The following PCDHGA5 variants were observed in gnomAD, a reference collection of about 807,000 sequenced individuals.
PCDHGA5 encodes the protein protocadherin gamma-A5.
A neutral mutation model predicts 56.7 loss-of-function variants in PCDHGA5; 36 were observed. The ratio of observed to expected loss-of-function variants is 0.64; its 90% CI spans 0.49 to 0.84. The LOEUF (loss-of-function observed/expected upper bound fraction) is 0.84. Among genes scored for constraint, PCDHGA5 ranks in the 40% least tolerant of loss-of-function variants. The pLI is 0.00. For missense variants in PCDHGA5, 1,305 were observed against 1,201.5 expected, an observed-to-expected ratio of 1.09 and a Z score of -1.27; for synonymous variants, 563 against 520.2, an observed-to-expected ratio of 1.08 and a Z score of -1.12.
At chr5:141,404,234 G>C (rs2094500908) in intron 1 of PCDHGA5, 1 of 1,613,652 alleles carries the variant, frequency 6.2e-7, no homozygotes, top group South Asian at 1.1e-5. Flanking sequence ...AACAGACAGA[G>C]GAACTCCGCC....
intron 1 of PCDHGA5, chr5:141,371,951 C>A: frequency 6.2e-7 from 1 of 1,613,306 alleles, no homozygotes; most frequent in Non-Finnish European, 8.5e-7. Flanking sequence ...CGCAGCGAGC[C>A]TTCGACCACG....
intron 1 of PCDHGA5, among the ~76,000 whole-genome samples, chr5:141,447,677 A>G (rs748479750): frequency 6.6e-6 from 1 of 152,184 alleles, no homozygotes; most frequent in Non-Finnish European, 1.5e-5. Context: ...GAACTGTTCC[A>G]TATCTTGATA....
At chr5:141,473,375 T>C (rs1433212994) in intron 1 of PCDHGA5, among the ~76,000 whole-genome samples, 1 of 152,192 alleles carries the variant, frequency 6.6e-6, no homozygotes, top group African/African-American at 2.4e-5. Flanking sequence ...AATAGCATGG[T>C]CCCTGCCCTC....
At position 141,485,464 on chromosome 5, in the gene PCDHGA5, G is replaced by A. The variant is rs2099614016; in HGVS notation, c.2422-9343G>A. ...CAATCGACCGAGAGGCACTGTGTGG[G>A]CTCAGTGCCAGCTGCATCGTGCCCC... is the stretch of plus-strand genomic sequence containing the variant. On this transcript the variant is annotated intron_variant, in intron 1 of 3. Coordinates refer to ENST00000518069, the MANE Select transcript of PCDHGA5 (RefSeq NM_018918.3). The surrounding 1 kb of genome is among the most constrained non-coding windows in gnomAD (Gnocchi z 5.7). 6.2e-7 allele frequency: 1 copy of A among 1,614,106 alleles called. No homozygotes were observed. The highest frequency in any genetic ancestry group is 8.5e-7 in the Non-Finnish European group (1 of 1,179,958).
chr5:141,501,290 TAC>T (rs55762287), intron 2 of PCDHGA5, among the ~76,000 whole-genome samples: 11,544 of 136,022 alleles, frequency 0.085, 708 homozygotes, highest in East Asian at 0.37. Context: ...TATTCCCTTA[TAC>T]ACACACACAC....
At position 141,489,380 on chromosome 5, in the gene PCDHGA5, A is replaced by G. The variant is rs753226956; in HGVS notation, c.2422-5427A>G. ...TCTGAGCCGGGGACGCTGGTGGGGA[A>G]TGTTGCTCAGGATCTGGGCTTAAAG... is the stretch of plus-strand genomic sequence containing the variant. On this transcript the variant is annotated intron_variant, in intron 1 of 3. Transcript: ENST00000518069. The surrounding 1 kb of genome is among the most constrained non-coding windows in gnomAD (Gnocchi z 4.5). The G allele has an allele frequency of 1.9e-6, 3 of 1,613,874 alleles. No individual in the cohort carries two copies. Among genetic ancestry groups the G allele is most frequent in the Admixed American group, 1.7e-5 (1 of 60,026 alleles).
rs553462245 is a variant in PCDHGA5 at position 141,511,198 on chromosome 5, A to T, written c.*25A>T. Reference sequence around the variant, plus strand: ...ACATGGAGGCCAGGCCAAGAGCCACAGGGCGGCCTCTCCCCAACCAGCCCA... The same window carrying T: ...ACATGGAGGCCAGGCCAAGAGCCACTGGGCGGCCTCTCCCCAACCAGCCCA... On this transcript the variant is annotated 3_prime_UTR_variant, in exon 4 of 4. Transcript: ENST00000518069. The T allele has an allele frequency of 2.7e-5, 43 of 1,612,954 alleles. 1 individual carries two copies. The South Asian group carries it at 4.5e-4, about 17-fold the overall frequency.
Position 141,364,447 on chromosome 5 carries a change from G to A in PCDHGA5, c.117G>A (p.Leu39=). The A allele has an allele frequency of 6.2e-7, 1 of 1,613,954 alleles. No homozygotes were observed. The highest frequency in any genetic ancestry group is 8.5e-7 in the Non-Finnish European group (1 of 1,179,866). ...GQIRYSMPEE[L]DKGSFVGNIA... is the part of the protein sequence containing the mutation. ...TCCGCTACTCGATGCCGGAGGAGCT[G>A]GACAAAGGCTCCTTCGTCGGCAACA... The change falls in exon 1 of 4, where the codon CTG becomes CTA. Residue 39 remains leucine (L), a synonymous_variant. Transcript: ENST00000518069.
At chr5:141,414,531 C>A in intron 1 of PCDHGA5, 1 of 1,613,960 alleles carries the variant, frequency 6.2e-7, no homozygotes, top group Non-Finnish European at 8.5e-7. Context: ...TCAATGACAA[C>A]CCACCTACCT....
intron 1 of PCDHGA5, among the ~76,000 whole-genome samples, chr5:141,381,823 C>CA (rs1777504204): frequency 2.0e-5 from 2 of 101,610 alleles, no homozygotes; most frequent in African/African-American, 8.6e-5. Flanking sequence ...TTTCTTTCTT[C>CA]TTCTTTTTTT....
At chr5:141,450,006 C>CTT (rs1554136305) in intron 1 of PCDHGA5, among the ~76,000 whole-genome samples, 6 of 132,984 alleles carry the variant, frequency 4.5e-5, no homozygotes, top group East Asian at 2.2e-4. Flanking sequence ...TGCCATGTCT[C>CTT]TTTTTTTTTT....
At position 141,476,606 on chromosome 5, in the gene PCDHGA5, G is replaced by T. The variant is rs2099394832; in HGVS notation, c.2422-18201G>T. The stretch of plus-strand genomic sequence containing the variant: ...GCTCGAGAGCGCGCACGATCCCGAT[G>T]TGGGAAGCAACTCTTTACAAACCTA... On this transcript the variant is annotated intron_variant, in intron 1 of 3. Transcript: ENST00000518069. The surrounding 1 kb of genome is among the most constrained non-coding windows in gnomAD (Gnocchi z 7.6). The T allele has an allele frequency of 1.9e-6, 3 of 1,614,126 alleles. No individual in the cohort carries two copies. Among genetic ancestry groups the T allele is most frequent in the Non-Finnish European group, 1.7e-6 (2 of 1,180,054 alleles).
chr5:141,409,990 C>T (rs377295503), intron 1 of PCDHGA5: 1 of 1,613,160 alleles, frequency 6.2e-7, no homozygotes, highest in Non-Finnish European at 8.5e-7. Flanking sequence ...CGGTGGACGC[C>T]GACTCGGGAC....
intron 2 of PCDHGA5, among the ~76,000 whole-genome samples, chr5:141,500,942 C>T (rs937418207): frequency 2.0e-5 from 3 of 151,926 alleles, no homozygotes; most frequent in Non-Finnish European, 4.4e-5. Context: ...CATCTCGGCT[C>T]ACTGCAAGCT....
In PCDHGA5 at chr5:141,364,417, G is replaced by T; in HGVS notation, c.87G>T (p.Gly29=). 6.2e-7 allele frequency: 1 copy of T among 1,613,362 alleles called. No homozygotes were observed. Among genetic ancestry groups the T allele is most frequent in the Non-Finnish European group, 8.5e-7 (1 of 1,179,526 alleles). Residue 29 remains glycine, a synonymous_variant, in exon 1 of 4, where the codon GGG becomes GGT. Transcript: ENST00000518069. ...LLGTLCEPGS[G]QIRYSMPEEL... ...GGACGCTGTGCGAGCCAGGATCCGGGCAGATCCGCTACTCGATGCCGGAGG... is the reference window on the plus strand; with the variant it reads ...GGACGCTGTGCGAGCCAGGATCCGGTCAGATCCGCTACTCGATGCCGGAGG...
rs758132181 is a variant in PCDHGA5, at chr5:141,486,827, C to T, written c.2422-7980C>T. On this transcript the variant is annotated intron_variant, in intron 1 of 3. Coordinates refer to ENST00000518069, the MANE Select transcript of PCDHGA5 (RefSeq NM_018918.3). This position sits in a 1 kb window ranked among gnomAD's most constrained non-coding sequence, Gnocchi z 5.0. The stretch of plus-strand genomic sequence containing the variant: ...ACCCCTTAGCAGCACTGTAACAGTT[C>T]GTCTATTTGTGCTGGACCTCAATGA... 10 of 1,614,110 alleles carry T rather than the reference C, an allele frequency of 6.2e-6. No individual in the cohort carries two copies. The African/African-American group carries it at 8.0e-5, about 13-fold the overall frequency.
At chr5:141,470,485 GAAT>G (rs2099231720) in intron 1 of PCDHGA5, among the ~76,000 whole-genome samples, 1 of 152,074 alleles carries the variant, frequency 6.6e-6, no homozygotes, top group Admixed American at 6.6e-5. Context: ...AACCCTCTGG[GAAT>G]AATATTAGGT....
At chr5:141,488,797 T>G (rs1451050520) in intron 1 of PCDHGA5, among the ~76,000 whole-genome samples, 6 of 152,158 alleles carry the variant, frequency 3.9e-5, no homozygotes, top group Non-Finnish European at 8.8e-5. Context: ...TCTTCCCTGT[T>G]GAGTACCATC....
chr5:141,499,029 A>AAGGAAGGAAGG lies in PCDHGA5; in HGVS notation c.2480+4165_2480+4166insGGAAGGAAGGA, dbSNP rs1562187768. ...GGAAGGAAGGAAGGAAGGAAGGAAG[A>AAGGAAGGAAGG]AAAGAAAGAAAAAGGGAGAAAAAAT... On this transcript the variant is annotated intron_variant, in intron 2 of 3. Transcript: ENST00000518069. 4.1e-4 allele frequency among the ~76,000 whole-genome samples: 57 copies of AAGGAAGGAAGG among 140,074 alleles called. 2 individuals are homozygous for AAGGAAGGAAGG. Among genetic ancestry groups the AAGGAAGGAAGG allele is most frequent in the African/African-American group, 1.4e-3 (52 of 36,074 alleles). 91.9% of individuals were successfully genotyped at this position (140,074 alleles called of 152,430 possible).
Sources: gnomAD v4.1 joint callset for allele counts (sites outside exome capture counted in the v4.1 genomes callset) on GRCh38, gnomAD v4.1.1 for gene constraint, Gnocchi (gnomAD v3.1) non-coding constraint, MANE v1.5 for transcripts, NCBI Gene and HGNC (gene_info 2026-07-23, HGNC 2026-07-21) for gene names.